The following SLC35E4 variants were observed in gnomAD, a reference collection of about 807,000 sequenced individuals.
SLC35E4 encodes solute carrier family 35 member E4, also known as solute carrier family 35, member E4.
SLC35E4 carries 15 observed loss-of-function variants against 19.3 expected under a neutral mutation model. The ratio of observed to expected loss-of-function variants is 0.78; its 90% CI spans 0.52 to 1.20. The LOEUF is 1.20. Ranked by LOEUF, SLC35E4 falls within the 50% of genes most tolerant of loss-of-function variation. The pLI is 0.00. For synonymous variants in SLC35E4, 219 were observed against 219.9 expected (o/e 1.00, Z 0.04); for missense variants, 406 against 472.3 (o/e 0.86, Z 1.30).
chr22:30,654,323 C>G, intron 2 of SLC35E4: 1 of 462,402 alleles, frequency 2.2e-6, no homozygotes, highest in South Asian at 1.5e-5. Context: ...TGGATCTTGG[C>G]CTTCTCCTTC....
chr22:30,639,059 G>A (rs780011419), intron 1 of SLC35E4, among the ~76,000 whole-genome samples: 2 of 152,226 alleles, frequency 1.3e-5, no homozygotes, highest in Non-Finnish European at 2.9e-5. Context: ...AATTCAGCCA[G>A]ATATCGGGCG....
intron 1 of SLC35E4, among the ~76,000 whole-genome samples, chr22:30,637,841 GC>G (rs1315990862): frequency 6.6e-6 from 1 of 152,196 alleles, no homozygotes. Context: ...GTGGCCTGAG[GC>G]TTTGGACACA....
At chr22:30,663,387 C>A (rs759046552), downstream of SLC35E4, 1 of 1,527,402 alleles carries the variant, frequency 6.5e-7, no homozygotes, top group African/African-American at 1.4e-5. Flanking sequence ...GGTGTAAGAT[C>A]AACAATAGAT....
intron 1 of SLC35E4, among the ~76,000 whole-genome samples, chr22:30,638,817 T>G (rs1269789440): frequency 6.6e-6 from 1 of 151,624 alleles, no homozygotes; most frequent in Non-Finnish European, 1.5e-5. Flanking sequence ...TGTCTCAAAA[T>G]TAGCCGGGCC....
chr22:30,647,351 T>G lies in SLC35E4; in HGVS notation c.*320T>G, dbSNP rs2088151950. ...AGATCGAGGCTGCAGTAAGCCAAGATCGCATGCTACTGCACTCCAGCCTGG... is the reference window on the plus strand; with the variant it reads ...AGATCGAGGCTGCAGTAAGCCAAGAGCGCATGCTACTGCACTCCAGCCTGG... On this transcript the variant is annotated 3_prime_UTR_variant, in exon 2 of 2. Transcript: ENST00000343605. 1 of 304,884 alleles carries G rather than the reference T, an allele frequency of 3.3e-6. No homozygotes were observed. Among genetic ancestry groups the G allele is most frequent in the South Asian group, 5.2e-5 (1 of 19,260 alleles). 18.9% of individuals were successfully genotyped at this position (304,884 alleles called of 1,614,324 possible).
Position 30,647,227 on chromosome 22 carries a change from A to C in SLC35E4, c.*196A>C. 3.1e-6 allele frequency: 2 copies of C among 649,500 alleles called. No individual in the cohort carries two copies. The highest frequency in any genetic ancestry group is 5.1e-6 in the Non-Finnish European group (2 of 392,056). The allele number at this position is 649,500 out of a possible 1,614,324, so 40.2% of individuals were successfully genotyped here. On this transcript the variant is annotated 3_prime_UTR_variant, in exon 2 of 2. Coordinates refer to ENST00000343605, the MANE Select transcript of SLC35E4 (RefSeq NM_001001479.4). The stretch of plus-strand genomic sequence containing the variant: ...AGCCTGGCTAACATGGCAAAACCTC[A>C]TCTCTACTAAAAATAGAAAAATTAG...
In SLC35E4 at chr22:30,636,903, G is replaced by A. The variant is rs1322672810; in HGVS notation, c.453G>A (p.Ser151=). ...TTTPLFTLAL[S]ALLLGRRHHP... is the part of the protein sequence containing the mutation. ...CACCTCTGTTCACCCTGGCCCTGTC[G>A]GCGCTGCTGCTGGGCCGCCGCCACC... The change falls in exon 1 of 2, where the codon TCG becomes TCA. Residue 151 remains serine (S), a synonymous_variant. Transcript: ENST00000343605. 3 of 1,612,024 alleles carry A rather than the reference G, an allele frequency of 1.9e-6. No individual in the cohort carries two copies. Among genetic ancestry groups the A allele is most frequent in the Admixed American group, 1.7e-5 (1 of 59,918 alleles).
At position 30,637,035 on chromosome 22, in the gene SLC35E4, C is replaced by T; in HGVS notation, c.585C>T (p.Ala195=). The T allele has an allele frequency of 1.3e-6, 2 of 1,587,656 alleles. No homozygotes were observed. Among genetic ancestry groups the T allele is most frequent in the Non-Finnish European group, 1.7e-6 (2 of 1,163,610 alleles). The stretch of plus-strand genomic sequence containing the variant: ...CCGGCTGTGGCTTCCTGCTCGCAGC[C>T]ACCTGCCTCCGCGGACTCAAGTCGG... The part of the protein sequence containing the change: ...PPTGCGFLLA[A]TCLRGLKSVQ... Residue 195 remains alanine (A), a synonymous_variant, in exon 1 of 2, where the codon GCC becomes GCT. Transcript: ENST00000343605.
chr22:30,641,401 A>G (rs867942843), intron 1 of SLC35E4, among the ~76,000 whole-genome samples: 12 of 152,018 alleles, frequency 7.9e-5, no homozygotes, highest in African/African-American at 2.9e-4. Flanking sequence ...TCCCCCTATC[A>G]TGGTTCCAAA....
intron 2 of SLC35E4, among the ~76,000 whole-genome samples, chr22:30,660,441 G>A (rs1346313062): frequency 6.6e-6 from 1 of 151,922 alleles, no homozygotes; most frequent in Non-Finnish European, 1.5e-5. Context: ...ACAAATAGCT[G>A]GGACTACAGG....
At chr22:30,644,681 A>G (rs1460198278) in intron 1 of SLC35E4, among the ~76,000 whole-genome samples, 1 of 152,106 alleles carries the variant, frequency 6.6e-6, no homozygotes, top group African/African-American at 2.4e-5. Flanking sequence ...AAGGCAGTAA[A>G]CTGACATCGT....
chr22:30,664,042 G>A (rs1005887), downstream of SLC35E4: 151 of 1,560,356 alleles, frequency 9.7e-5, no homozygotes, highest in Admixed American at 5.1e-4. Flanking sequence ...AGCGAAGCAC[G>A]AAGGCTGCGT....
At chr22:30,641,343 C>T (rs955534470) in intron 1 of SLC35E4, among the ~76,000 whole-genome samples, 5 of 152,146 alleles carry the variant, frequency 3.3e-5, no homozygotes, top group African/African-American at 9.7e-5. Flanking sequence ...TAACTCCTGA[C>T]CCCTGGGAGG....
downstream of SLC35E4, chr22:30,652,005 CAG>C (rs2088230793): frequency 6.6e-6 from 1 of 152,128 alleles, no homozygotes; most frequent in Non-Finnish European, 1.5e-5. Context: ...TTTATCAAGA[CAG>C]GGGAACTGCA....
Position 30,636,061 on chromosome 22 carries a change from TG to T in SLC35E4, c.-388del. The T allele has an allele frequency of 5.8e-6, 1 of 171,510 alleles. No individual in the cohort carries two copies. The highest frequency in any genetic ancestry group is 1.8e-4 in the South Asian group (1 of 5,548). The allele number at this position is 171,510 out of a possible 1,614,324, so 10.6% of individuals were successfully genotyped here. On this transcript the variant is annotated 5_prime_UTR_variant, in exon 1 of 2. Coordinates refer to ENST00000343605, the MANE Select transcript of SLC35E4 (RefSeq NM_001001479.4). ...AGAGCACGCAGGAGTTCCCAGGGTC[TG>T]GATCTGCGCGCACCCTAATGACCTG...
At chr22:30,655,669 T>C (rs2088326743) in intron 2 of SLC35E4, among the ~76,000 whole-genome samples, 1 of 152,088 alleles carries the variant, frequency 6.6e-6, no homozygotes, top group African/African-American at 2.4e-5. Flanking sequence ...GATGATGGAT[T>C]TCAGTGTCAC....
At chr22:30,642,648 G>A (rs1028761209) in intron 1 of SLC35E4, among the ~76,000 whole-genome samples, 2 of 151,234 alleles carry the variant, frequency 1.3e-5, no homozygotes, top group Non-Finnish European at 2.9e-5. Flanking sequence ...GGCTGAGGTA[G>A]GAGAATCTCT....
At chr22:30,654,585 C>T in intron 2 of SLC35E4, 1 of 459,956 alleles carries the variant, frequency 2.2e-6, no homozygotes, top group South Asian at 1.6e-5. Flanking sequence ...CGGCTGGGGA[C>T]CCGGAAGTGG....
chr22:30,659,523 G>A (rs1377568181), intron 2 of SLC35E4, among the ~76,000 whole-genome samples: 3 of 151,940 alleles, frequency 2.0e-5, no homozygotes, highest in Non-Finnish European at 2.9e-5. Flanking sequence ...ACAGGCGCCC[G>A]CCACCACATC....
Sources: gnomAD v4.1 joint callset for allele counts (sites outside exome capture counted in the v4.1 genomes callset) on GRCh38, gnomAD v4.1.1 for gene constraint, MANE v1.5 for transcripts, NCBI Gene and HGNC (gene_info 2026-07-23, HGNC 2026-07-21) for gene names.